AGBL2: variants seen among roughly 807,000 people sequenced by gnomAD.
AGBL2 encodes the protein AGBL carboxypeptidase 2.
A neutral mutation model predicts 103.0 loss-of-function variants in AGBL2; 87 were observed. The ratio of observed to expected loss-of-function variants is 0.84; its 90% CI spans 0.71 to 1.01. AGBL2 has a LOEUF of 1.01. Among genes scored for constraint, AGBL2 ranks in the 50% least tolerant of loss-of-function variants. AGBL2 has a pLI of 0.00. For synonymous variants in AGBL2, 335 were observed against 356.7 expected (o/e 0.94, Z 0.69); for missense variants, 904 against 1,023.5 (o/e 0.88, Z 1.59).
Position 47,686,036 on chromosome 11 carries a change from T to C in AGBL2, c.1645A>G (p.Arg549Gly). 6.2e-7 allele frequency: 1 copy of C among 1,613,900 alleles called. No individual in the cohort carries two copies. Among genetic ancestry groups the C allele is most frequent in the South Asian group, 1.1e-5 (1 of 90,982 alleles). ...RNMIKRLLEE[R>G]EVLLYCDFHG... Reference sequence around the variant, plus strand: ...AAATCACAATACAACAGAACCTCTCTTTCTTCAAGAAGTCTATTGAGGGGG... The same window carrying C: ...AAATCACAATACAACAGAACCTCTCCTTCTTCAAGAAGTCTATTGAGGGGG... The change falls in exon 11 of 19, where the codon AGA (arginine) becomes GGA (glycine). Residue 549 changes from arginine (R) to glycine (G), a missense_variant. By Grantham distance (125) the Arg-to-Gly change is moderately radical. Transcript: ENST00000525123.
chr11:47,677,737 G>A (rs1265108544), intron 13 of AGBL2, among the ~76,000 whole-genome samples: 2 of 152,128 alleles, frequency 1.3e-5, no homozygotes, highest in African/African-American at 4.8e-5. Flanking sequence ...ACAGGCGTGA[G>A]CCATCATGCC....
rs1000464813 is a variant in AGBL2 at position 47,681,881 on chromosome 11, C to G, written c.1915+88G>C. 3.4e-6 allele frequency: 5 copies of G among 1,492,120 alleles called. No individual in the cohort carries two copies. The African/African-American group carries it at 7.0e-5, about 21-fold the overall frequency. The allele number at this position is 1,492,120 out of a possible 1,614,324, so 92.4% of individuals were successfully genotyped here. The stretch of plus-strand genomic sequence containing the variant: ...AGAAATCCTCTAGATCAGTTATCTC[C>G]CCAGCATTCAAAGGCATTTTATCTC... On this transcript the variant is annotated intron_variant, in intron 12 of 18. Transcript: ENST00000525123.
intron 4 of AGBL2, among the ~76,000 whole-genome samples, chr11:47,706,170 C>A (rs2097518223): frequency 1.3e-5 from 2 of 152,174 alleles, no homozygotes; most frequent in Non-Finnish European, 2.9e-5. Context: ...ACATGTAATC[C>A]TAGCACTTTG....
At chr11:47,681,808 T>A (rs1355511869) in intron 12 of AGBL2, among the ~76,000 whole-genome samples, 161 bp downstream of exon 12, 1 of 152,210 alleles carries the variant, frequency 6.6e-6, no homozygotes, top group African/African-American at 2.4e-5. Flanking sequence ...ATCAAATATA[T>A]TTCACATTCA....
Position 47,679,957 on chromosome 11 carries a change from G to A in AGBL2, c.2016+16C>T, listed in dbSNP as rs371375969. The A allele has an allele frequency of 1.3e-6, 2 of 1,539,238 alleles. No homozygotes were observed. Among genetic ancestry groups the A allele is most frequent in the African/African-American group, 2.7e-5 (2 of 72,870 alleles). On this transcript the variant is annotated intron_variant, in intron 13 of 18. Transcript: ENST00000525123. ...ATGCCTGGCCTTCATCACATTTCTT[G>A]AAACCCCATTTTTACCTTCATTTGG...
intron 3 of AGBL2, among the ~76,000 whole-genome samples, chr11:47,713,179 C>G (rs902608232): frequency 1.1e-4 from 16 of 151,146 alleles, no homozygotes; most frequent in Non-Finnish European, 2.1e-4. Context: ...GTCTCTACTA[C>G]AAATACACAA....
intron 3 of AGBL2, among the ~76,000 whole-genome samples, chr11:47,713,550 T>C (rs2097541629): frequency 1.3e-5 from 2 of 150,360 alleles, no homozygotes; most frequent in Non-Finnish European, 3.0e-5. Flanking sequence ...TAAAATAAAA[T>C]GTCATAAGCC....
In AGBL2 at chr11:47,713,718, A is replaced by G. The variant is rs536172951; in HGVS notation, c.97+566T>C. ...ATTCTCCTGCCTCAGCCTTCCCAGT[A>G]GCTGGGACTACAGGCACCCACCACC... On this transcript the variant is annotated intron_variant, in intron 3 of 18. Coordinates refer to ENST00000525123, the MANE Select transcript of AGBL2 (RefSeq NM_024783.4). Among the ~76,000 whole-genome samples, 272 of 150,578 alleles carry G rather than the reference A, an allele frequency of 1.8e-3. No homozygotes were observed. In the Middle Eastern group the frequency reaches 0.024, roughly 14 times the overall value.
At chr11:47,704,786 T>G (rs2097511756) in intron 6 of AGBL2, 58 bp from the exon 7 acceptor site, 3 of 1,360,306 alleles carry the variant, frequency 2.2e-6, no homozygotes, top group Non-Finnish European at 3.1e-6. Context: ...GGAACTTTAC[T>G]GCTCATCTAT....
chr11:47,698,337 T>A (rs1323484858), intron 8 of AGBL2, among the ~76,000 whole-genome samples: 1 of 151,662 alleles, frequency 6.6e-6, no homozygotes, highest in Admixed American at 6.6e-5. Flanking sequence ...CACACCTGGC[T>A]AATTTTGTAT....
intron 12 of AGBL2, among the ~76,000 whole-genome samples, chr11:47,681,693 C>T (rs1273043118): frequency 6.6e-6 from 1 of 152,174 alleles, no homozygotes; most frequent in Non-Finnish European, 1.5e-5. Flanking sequence ...CTCCTGACCT[C>T]GTGATCTGCC....
intron 17 of AGBL2, among the ~76,000 whole-genome samples, chr11:47,665,164 C>A (rs2097338257): frequency 6.6e-6 from 1 of 151,764 alleles, no homozygotes; most frequent in South Asian, 2.1e-4. Context: ...TACTGTGACT[C>A]AGCTTCCTGA....
intron 8 of AGBL2, among the ~76,000 whole-genome samples, chr11:47,697,052 C>G (rs1315381287): frequency 1.3e-5 from 2 of 152,020 alleles, no homozygotes; most frequent in African/African-American, 2.4e-5. Flanking sequence ...CCTCAGCCCC[C>G]CAAGTAGCTG....
At chr11:47,675,784 T>A (rs1228090157) in intron 14 of AGBL2, among the ~76,000 whole-genome samples, 1 of 152,018 alleles carries the variant, frequency 6.6e-6, no homozygotes. Context: ...GGCGGGCAGA[T>A]CCGTTGAGCT....
At chr11:47,667,879 T>C (rs1392967867) in intron 15 of AGBL2, among the ~76,000 whole-genome samples, 183 bp from the exon 16 acceptor site, 1 of 152,130 alleles carries the variant, frequency 6.6e-6, no homozygotes, top group African/African-American at 2.4e-5. Context: ...TCCTACTTAA[T>C]ACCCCCAAAT....
chr11:47,661,825 C>T (rs2097328862), intron 18 of AGBL2, among the ~76,000 whole-genome samples: 1 of 151,780 alleles, frequency 6.6e-6, no homozygotes, highest in Admixed American at 6.6e-5. Flanking sequence ...TCTCTGCTCA[C>T]TGCAACCTCC....
chr11:47,691,710 GAAAAAAA>G (rs1225683970), intron 9 of AGBL2, among the ~76,000 whole-genome samples: 2 of 1,330 alleles, frequency 1.5e-3, no homozygotes, highest in African/African-American at 2.3e-3. Flanking sequence ...TCCATCTCAA[GAAAAAAA>G]AAAAAAAAAA....
intron 9 of AGBL2, among the ~76,000 whole-genome samples, chr11:47,691,872 C>T (rs1005700389): frequency 6.7e-6 from 1 of 148,590 alleles, no homozygotes; most frequent in African/African-American, 2.5e-5. Flanking sequence ...CATATTTTTA[C>T]TAATACAAAT....
chr11:47,674,248 G>A (rs375949506), intron 14 of AGBL2, among the ~76,000 whole-genome samples: 6 of 151,826 alleles, frequency 4.0e-5, no homozygotes, highest in African/African-American at 1.5e-4. Flanking sequence ...TTAGAGTAAT[G>A]TGTGTAGGTC....
Sources: allele counts gnomAD v4.1 joint callset (sites outside exome capture counted in the v4.1 genomes callset), GRCh38; gene constraint gnomAD v4.1.1; transcripts MANE v1.5; gene names NCBI Gene and HGNC (gene_info 2026-07-23, HGNC 2026-07-21).